P2RX5: variants seen among roughly 807,000 people sequenced by gnomAD.
P2RX5 encodes the protein purinergic receptor P2X 5.
P2RX5 carries 46 observed loss-of-function variants against 54.1 expected under a neutral mutation model. That is an observed-to-expected ratio of 0.85 (90% CI 0.67 to 1.09). P2RX5 has a LOEUF of 1.09. Among genes scored for constraint, P2RX5 ranks in the 50% least tolerant of loss-of-function variants. The pLI is 0.00. For synonymous variants in P2RX5, 226 were observed against 226.4 expected, an observed-to-expected ratio of 1.00 and a Z score of 0.02; for missense variants, 566 against 549.8, an observed-to-expected ratio of 1.03 and a Z score of -0.29.
At chr17:3,684,982 A>T (rs1268752786) in intron 9 of P2RX5, among the ~76,000 whole-genome samples, 1 of 151,630 alleles carries the variant, frequency 6.6e-6, no homozygotes, top group Non-Finnish European at 1.5e-5. Flanking sequence ...AGCAGCTGGG[A>T]TTACAAGCAT....
At chr17:3,676,949 C>G (rs1419926684) in intron 11 of P2RX5, 8 of 352,678 alleles carry the variant, frequency 2.3e-5, no homozygotes, top group Non-Finnish European at 2.8e-5. Context: ...GTAATCCCAG[C>G]TACTTAGGAG....
At chr17:3,701,920 G>A in the P2RX5 span, among the ~76,000 whole-genome samples, 39 of 151,666 alleles carry the variant, frequency 2.6e-4, no homozygotes, top group African/African-American at 4.3e-4. Flanking sequence ...CATGCCCGGC[G>A]GTGAGTAATT....
the P2RX5 span, chr17:3,723,493 G>T: frequency 1.0e-6 from 1 of 1,001,448 alleles, no homozygotes; most frequent in Non-Finnish European, 1.6e-6. Flanking sequence ...GAGGGTGTGA[G>T]CAATTTCAGC....
At position 3,682,071 on chromosome 17, in the gene P2RX5, T is replaced by C. The variant is rs180792303; in HGVS notation, c.982-93A>G. 5 of 834,766 alleles carry C rather than the reference T, an allele frequency of 6.0e-6. No individual in the cohort carries two copies. In the East Asian group the frequency reaches 1.3e-4, roughly 22 times the overall value. 51.7% of individuals were successfully genotyped at this position (834,766 alleles called of 1,614,324 possible). A position where few individuals can be genotyped will look rare whatever the true frequency, so the allele number is the denominator to read the frequency against. ...GCCCCTTCCATCCTGCAACAGCCCC[T>C]AAAGGTGGCATCACTGTCCCCATTT... On this transcript the variant is annotated intron_variant, in intron 9 of 11. Transcript: ENST00000225328.
rs139868924 is a variant in P2RX5 at position 3,676,571 on chromosome 17, C to G, written c.1260-2694G>C. 1.2e-4 allele frequency: 117 copies of G among 985,354 alleles called. 1 individual carries two copies. The African/African-American group carries it at 1.8e-3, about 16-fold the overall frequency. The allele number at this position is 985,354 out of a possible 1,614,324, so 61.0% of individuals were successfully genotyped here. On this transcript the variant is annotated intron_variant, in intron 11 of 11. Transcript: ENST00000225328. ...AGCCTCTTGGTCTCTAGGCAGCATG[C>G]GTGTAAGTCTGACCTAGAAATTGGC...
chr17:3,701,126 C>G (rs868145050), upstream of P2RX5, among the ~76,000 whole-genome samples: 11 of 152,204 alleles, frequency 7.2e-5, no homozygotes, highest in South Asian at 8.3e-4. Flanking sequence ...GATTTACAAG[C>G]CTTTGTCTAG....
In P2RX5 at chr17:3,696,065, C is replaced by G. The variant is rs909051847; in HGVS notation, c.-60G>C. On this transcript the variant is annotated 5_prime_UTR_variant, in exon 1 of 12. Coordinates refer to ENST00000225328, the MANE Select transcript of P2RX5 (RefSeq NM_002561.4). ...CCCACGTGCGCTCATGGGGAGCACT[C>G]GGTCCCTCGGTCCCTGCGCGCCCGG... The G allele has an allele frequency of 8.3e-6, 13 of 1,565,056 alleles. No homozygotes were observed. In the African/African-American group the frequency reaches 1.6e-4, roughly 20 times the overall value.
chr17:3,691,494 AG>A (rs1310588417), intron 2 of P2RX5, 149 bp downstream of exon 2: 3 of 894,364 alleles, frequency 3.4e-6, no homozygotes, highest in Non-Finnish European at 5.3e-6. Context: ...GGATCTGGAC[AG>A]GGTTGCTCTC....
At chr17:3,684,003 A>G (rs1597708656) in intron 9 of P2RX5, among the ~76,000 whole-genome samples, 1 of 152,156 alleles carries the variant, frequency 6.6e-6, no homozygotes, top group Admixed American at 6.5e-5. Flanking sequence ...GCTGCCAGAA[A>G]CCTGGGAAAG....
the P2RX5 span, among the ~76,000 whole-genome samples, chr17:3,719,255 AAG>A: frequency 4.3e-4 from 60 of 141,032 alleles, 2 homozygotes; most frequent in African/African-American, 1.7e-3. Context: ...AAAAAAAAAA[AAG>A]AAAAGAAAAG....
At chr17:3,715,416 C>A in the P2RX5 span, among the ~76,000 whole-genome samples, 2 of 152,132 alleles carry the variant, frequency 1.3e-5, no homozygotes, top group African/African-American at 4.8e-5. Context: ...CACACAGAAG[C>A]CAGCACAGAG....
intron 1 of P2RX5, among the ~76,000 whole-genome samples, chr17:3,693,564 C>G (rs1458357447): frequency 6.6e-6 from 1 of 151,958 alleles, no homozygotes; most frequent in African/African-American, 2.4e-5. Flanking sequence ...GGTGAAACTC[C>G]GTGTCTACTA....
intron 11 of P2RX5, among the ~76,000 whole-genome samples, chr17:3,674,331 A>C (rs1300437603): frequency 8.1e-6 from 1 of 124,150 alleles, no homozygotes; most frequent in African/African-American, 3.4e-5. Context: ...ATTAAAAAAA[A>C]AAAATACAAA....
intron 1 of P2RX5, among the ~76,000 whole-genome samples, chr17:3,693,720 A>G (rs2143001747): frequency 6.6e-6 from 1 of 152,320 alleles, no homozygotes; most frequent in South Asian, 2.1e-4. Context: ...CCTGGGCAAC[A>G]AGAGCGAAAC....
chr17:3,707,760 G>A, the P2RX5 span, among the ~76,000 whole-genome samples: 2 of 151,948 alleles, frequency 1.3e-5, no homozygotes, highest in Non-Finnish European at 2.9e-5. Context: ...CCTAGGAGAT[G>A]GTTAACCAGG....
the P2RX5 span, chr17:3,717,606 C>T: frequency 6.6e-6 from 1 of 152,176 alleles, no homozygotes; most frequent in Non-Finnish European, 1.5e-5. Flanking sequence ...TCTCTGCCTG[C>T]CCAGAGCAAC....
chr17:3,690,736 T>A (rs887475725), intron 3 of P2RX5, 56 bp from the exon 4 acceptor site: 48 of 1,559,740 alleles, frequency 3.1e-5, no homozygotes, highest in Non-Finnish European at 4.0e-5. Flanking sequence ...CAGAGCCGGG[T>A]CCCACTCCAG....
the P2RX5 span, among the ~76,000 whole-genome samples, chr17:3,716,437 G>A: frequency 6.6e-6 from 1 of 152,148 alleles, no homozygotes; most frequent in Non-Finnish European, 1.5e-5. Context: ...ATTAAGTTCT[G>A]GGCCTTGAGA....
the P2RX5 span, among the ~76,000 whole-genome samples, chr17:3,705,540 G>A: frequency 2.1e-3 from 326 of 152,178 alleles, 2 homozygotes; most frequent in African/African-American, 7.6e-3. Context: ...ATGTCCACAC[G>A]ATAGGATCTG....
Sources: allele counts gnomAD v4.1 joint callset (sites outside exome capture counted in the v4.1 genomes callset), GRCh38; gene constraint gnomAD v4.1.1; transcripts MANE v1.5; gene names NCBI Gene and HGNC (gene_info 2026-07-23, HGNC 2026-07-21).